The following SOX6 variants were observed in gnomAD, a reference collection of about 807,000 sequenced individuals.
The protein encoded by SOX6 is SRY-box transcription factor 6.
SOX6 carries 11 observed loss-of-function variants against 97.8 expected under a neutral mutation model. That is an observed-to-expected ratio of 0.11 (90% CI 0.07 to 0.19). The LOEUF (loss-of-function observed/expected upper bound fraction) is 0.19, where lower values mean the gene tolerates loss of function less well. Ranked by LOEUF, SOX6 falls within the 10% of genes least tolerant of loss-of-function variation. The probability of loss-of-function intolerance (pLI) is 1.00; values close to 1 mark genes in which losing one functional copy is unlikely to be tolerated. For synonymous variants in SOX6, 360 were observed against 371.4 expected (o/e 0.97, Z 0.35); for missense variants, 810 against 1,039.5 (o/e 0.78, Z 3.04).
At chr11:16,340,926 T>C in intron 2 of SOX6, 86 bp downstream of exon 2, 1 of 1,573,340 alleles carries the variant, frequency 6.4e-7, no homozygotes, top group South Asian at 1.1e-5. Flanking sequence ...AACTCTAAGG[T>C]CATCTATTTC....
intron 12 of SOX6, among the ~76,000 whole-genome samples, chr11:16,037,126 T>C (rs1370180086): frequency 6.6e-6 from 1 of 152,226 alleles, no homozygotes; most frequent in Non-Finnish European, 1.5e-5. Flanking sequence ...ATATATATTT[T>C]CTTTAATGTG....
At chr11:16,647,275 C>A (rs1442811401) in intron 3 of SOX6, among the ~76,000 whole-genome samples, 1 of 152,092 alleles carries the variant, frequency 6.6e-6, no homozygotes, top group Non-Finnish European at 1.5e-5. Context: ...GATATGATTT[C>A]TATGCCCCTC....
chr11:16,407,594 C>T (rs1000549890), intron 1 of SOX6, among the ~76,000 whole-genome samples: 2 of 152,054 alleles, frequency 1.3e-5, no homozygotes, highest in East Asian at 1.9e-4. Flanking sequence ...GAGTGATTAC[C>T]GGGCAGAATT....
intron 1 of SOX6, among the ~76,000 whole-genome samples, chr11:16,375,488 GTGT>G (rs1857618940): frequency 1.3e-5 from 2 of 151,212 alleles, no homozygotes; most frequent in South Asian, 4.2e-4. Context: ...AAAGCACTAA[GTGT>G]TGTACAGAAA....
intron 2 of SOX6, among the ~76,000 whole-genome samples, chr11:16,716,123 C>T (rs932195299): frequency 6.6e-6 from 1 of 152,190 alleles, no homozygotes; most frequent in African/African-American, 2.4e-5. Context: ...GTAATCCCAG[C>T]TACTTGGGAG....
At chr11:16,045,024 T>C (rs1218884734) in intron 12 of SOX6, among the ~76,000 whole-genome samples, 1 of 152,116 alleles carries the variant, frequency 6.6e-6, no homozygotes, top group East Asian at 1.9e-4. Context: ...TCATCTCTCA[T>C]CCCTCTCCCG....
At position 16,130,637 on chromosome 11, in the gene SOX6, A is replaced by T. The variant is rs557168649; in HGVS notation, c.778-18714T>A. On this transcript the variant is annotated intron_variant, in intron 6 of 15. Coordinates refer to ENST00000683767, the MANE Select transcript of SOX6 (RefSeq NM_001367873.1). ...TCCAGCAGGACATTTTGAATATAGT[A>T]TGAAGCTGATTCTAAATTTGATATG... Among the ~76,000 whole-genome samples, 599 of 152,092 alleles carry T rather than the reference A, an allele frequency of 3.9e-3. 3 individuals carry two copies. Among genetic ancestry groups the T allele is most frequent in the African/African-American group, 0.013 (541 of 41,550 alleles).
chr11:16,502,707 T>A (rs1275006191), intron 4 of SOX6, among the ~76,000 whole-genome samples: 3 of 152,198 alleles, frequency 2.0e-5, no homozygotes, highest in Admixed American at 1.3e-4. Flanking sequence ...AGGAAGACTA[T>A]GTGATCTGTG....
intron 1 of SOX6, among the ~76,000 whole-genome samples, chr11:16,469,294 G>C (rs999750497): frequency 6.6e-6 from 1 of 151,912 alleles, no homozygotes; most frequent in Admixed American, 6.5e-5. Context: ...TCAGGGACTG[G>C]TCCAAAAAGT....
intron 1 of SOX6, among the ~76,000 whole-genome samples, chr11:16,449,366 C>T (rs1468359234): frequency 7.2e-6 from 1 of 138,458 alleles, no homozygotes; most frequent in Non-Finnish European, 1.5e-5. Flanking sequence ...CATCTCGGCT[C>T]ACTGCAAGCT....
rs751943545 is a variant in SOX6 at position 15,989,227 on chromosome 11, C to A, written c.1736G>T (p.Ser579Ile). The A allele has an allele frequency of 6.3e-7, 1 of 1,598,260 alleles. No individual in the cohort carries two copies. Among genetic ancestry groups the A allele is most frequent in the Non-Finnish European group, 8.6e-7 (1 of 1,168,402 alleles). The change falls in exon 14 of 16, where the codon AGT becomes ATT. Residue 579 changes from serine (S) to isoleucine (I), a missense_variant. Physicochemically the swap from Ser to Ile is moderately radical, Grantham distance 142. Around this residue, in one of 9 missense-constraint regions of SOX6, gnomAD observed 120 missense variants for 127.0 expected, o/e 0.94. Coordinates refer to ENST00000683767, the MANE Select transcript of SOX6 (RefSeq NM_001367873.1). The part of the protein sequence containing the change: ...DLTRPEDAEG[S>I]KAMNGSAAKL... ...AGCTGCAGAGCCATTCATTGCTTTA[C>A]TTCCTGTAATGTCAGGGCAGGAAGA...
chr11:16,583,968 T>A (rs531686781), intron 4 of SOX6, among the ~76,000 whole-genome samples: 1 of 152,272 alleles, frequency 6.6e-6, no homozygotes, highest in African/African-American at 2.4e-5. Context: ...CGAGATAATA[T>A]CACCTTGTGG....
chr11:16,202,814 A>G (rs759670809), intron 4 of SOX6, among the ~76,000 whole-genome samples: 3 of 152,206 alleles, frequency 2.0e-5, no homozygotes, highest in Non-Finnish European at 4.4e-5. Context: ...AAATAAATGT[A>G]TTTAATATAG....
At chr11:15,984,806 A>G (rs1853780924) in intron 15 of SOX6, among the ~76,000 whole-genome samples, 1 of 152,220 alleles carries the variant, frequency 6.6e-6, no homozygotes, top group South Asian at 2.1e-4. Context: ...GTGATATAAA[A>G]TATGGTTTTC....
intron 4 of SOX6, among the ~76,000 whole-genome samples, chr11:16,526,150 C>T (rs1590233729): frequency 2.0e-5 from 3 of 152,236 alleles, no homozygotes; most frequent in African/African-American, 7.2e-5. Context: ...ACCCAAAGGA[C>T]TATAAATCAT....
At chr11:16,206,269 C>A (rs1852069761) in intron 4 of SOX6, among the ~76,000 whole-genome samples, 1 of 152,032 alleles carries the variant, frequency 6.6e-6, no homozygotes, top group Admixed American at 6.6e-5. Flanking sequence ...CACTAATTCA[C>A]AAAATACATT....
intron 3 of SOX6, among the ~76,000 whole-genome samples, chr11:16,296,578 A>C (rs1440633381): frequency 6.6e-6 from 1 of 152,128 alleles, no homozygotes; most frequent in Non-Finnish European, 1.5e-5. Context: ...TGTTTAAATG[A>C]GTTCCACTAG....
At chr11:16,635,724 G>T (rs1438055406) in intron 3 of SOX6, among the ~76,000 whole-genome samples, 1 of 152,108 alleles carries the variant, frequency 6.6e-6, no homozygotes, top group Non-Finnish European at 1.5e-5. Context: ...TGGTTTCCTG[G>T]GTGAGGTCCA....
At chr11:16,253,400 TC>T (rs1259518842) in intron 3 of SOX6, among the ~76,000 whole-genome samples, 4 of 151,814 alleles carry the variant, frequency 2.6e-5, no homozygotes, top group Non-Finnish European at 4.4e-5. Flanking sequence ...AATGTAGCAG[TC>T]CTATGAGGAA....
Sources: gnomAD v4.1 joint callset for allele counts (sites outside exome capture counted in the v4.1 genomes callset) on GRCh38, gnomAD v4.1.1 for gene constraint, gnomAD v4.1.1 regional missense constraint, MANE v1.5 for transcripts, NCBI Gene and HGNC (gene_info 2026-07-23, HGNC 2026-07-21) for gene names.